Variants in SEC24A observed in about 807,000 individuals in gnomAD.
SEC24A encodes protein transport protein Sec24A.
Under a neutral mutation model 129.4 loss-of-function variants are expected in SEC24A, and 93 were observed. That is an observed-to-expected ratio of 0.72 (90% CI 0.61 to 0.85). The LOEUF is 0.85. Among genes scored for constraint, SEC24A ranks in the 40% least tolerant of loss-of-function variants. The pLI, the probability that SEC24A is intolerant of heterozygous loss-of-function variation, is 0.00. For missense variants in SEC24A, 1,264 were observed against 1,307.4 expected, an observed-to-expected ratio of 0.97 and a Z score of 0.51; for synonymous variants, 460 against 467.3, an observed-to-expected ratio of 0.98 and a Z score of 0.20.
chr5:134,682,288 C>A, intron 8 of SEC24A, 85 bp from the exon 9 acceptor site: 1 of 657,222 alleles, frequency 1.5e-6, no homozygotes, highest in Non-Finnish European at 2.6e-6. Flanking sequence ...TGTTTGTCAT[C>A]TTTTCAAGGA....
At chr5:134,690,093 G>A (rs1392775736) in intron 11 of SEC24A, among the ~76,000 whole-genome samples, 2 of 152,042 alleles carry the variant, frequency 1.3e-5, no homozygotes, top group Non-Finnish European at 2.9e-5. Context: ...ATCTCGGCTC[G>A]CTGCAACCTC....
intron 22 of SEC24A, among the ~76,000 whole-genome samples, chr5:134,724,620 T>C (rs1161202472): frequency 1.3e-5 from 2 of 151,816 alleles, no homozygotes; most frequent in Non-Finnish European, 2.9e-5. Flanking sequence ...TAGAATTCCA[T>C]TGTATATATA....
chr5:134,685,696 A>C (rs977850758), intron 9 of SEC24A, among the ~76,000 whole-genome samples: 2 of 152,204 alleles, frequency 1.3e-5, no homozygotes, highest in Admixed American at 6.5e-5. Context: ...TTTAAAATAC[A>C]GTCTTGGCCA....
At position 134,697,247 on chromosome 5, in the gene SEC24A, G is replaced by A; in HGVS notation, c.2107+1G>A. On this transcript the variant is annotated splice_donor_variant, in intron 14 of 22. Coordinates refer to ENST00000398844, the MANE Select transcript of SEC24A (RefSeq NM_021982.3). LOFTEE classifies it high-confidence loss of function. ...CAGTATTCTGATTTGGCTTCTCTGG[G>A]TAAGTTCTTCGTAATGATTTTTTTT... 2 of 1,588,926 alleles carry A rather than the reference G, an allele frequency of 1.3e-6. No homozygotes were observed. Among genetic ancestry groups the A allele is most frequent in the South Asian group, 1.1e-5 (1 of 87,852 alleles).
chr5:134,686,813 G>GTA lies in SEC24A; in HGVS notation c.1517_1518dup (p.Leu507IlefsTer17). The GTA allele has an allele frequency of 6.2e-7, 1 of 1,605,394 alleles. No homozygotes were observed. On this transcript the variant is annotated frameshift_variant, in exon 10 of 23. Coordinates refer to ENST00000398844, the MANE Select transcript of SEC24A (RefSeq NM_021982.3). LOFTEE classifies it high-confidence loss of function. Reference sequence around the variant, plus strand: ...AGTTACGACCACCTCAGCCTCCAGTGTATCTCTTTGTATTTGATGTGTCTC... The same window carrying GTA: ...AGTTACGACCACCTCAGCCTCCAGTGTATATCTCTTTGTATTTGATGTGTCTC...
rs200157436 is a variant in SEC24A at position 134,692,042 on chromosome 5, T to A, written c.1724-560T>A. 3.3e-4 allele frequency among the ~76,000 whole-genome samples: 50 copies of A among 151,164 alleles called. 3 individuals are homozygous for A. The East Asian group carries it at 7.5e-3, about 23-fold the overall frequency. ...ATTCAGTGAGTACAGATCAATATTT[T>A]ATTTTTTTTCTTTCCTTTTTTTTTT... On this transcript the variant is annotated intron_variant, in intron 11 of 22. Transcript: ENST00000398844.
At chr5:134,692,969 T>C in intron 12 of SEC24A, 1 of 1,342,656 alleles carries the variant, frequency 7.4e-7, no homozygotes, top group Non-Finnish European at 1.0e-6. Context: ...AAGCTTCTGG[T>C]CACTACATAG....
chr5:134,672,934 G>C (rs1006160810), intron 4 of SEC24A, among the ~76,000 whole-genome samples: 1 of 151,242 alleles, frequency 6.6e-6, no homozygotes, highest in African/African-American at 2.4e-5. Context: ...GGGGGGGTGG[G>C]TCTCAATATA....
At position 134,661,468 on chromosome 5, in the gene SEC24A, A is replaced by C; in HGVS notation, c.447A>C (p.Thr149=). Residue 149 remains threonine (T), a synonymous_variant, in exon 2 of 23, where the codon ACA becomes ACC. Coordinates refer to ENST00000398844, the MANE Select transcript of SEC24A (RefSeq NM_021982.3). ...ACTATCCATCCACAGCCTCACAAAC[A>C]AACCATTGTCCTCGTGCATCATCCC... The part of the protein sequence containing the change: ...QYNYPSTASQ[T]NHCPRASSQP... 2.5e-6 allele frequency: 4 copies of C among 1,614,186 alleles called. No individual in the cohort carries two copies. The highest frequency in any genetic ancestry group is 3.4e-6 in the Non-Finnish European group (4 of 1,180,028).
chr5:134,656,185 C>T (rs1350207818), intron 1 of SEC24A, among the ~76,000 whole-genome samples: 3 of 150,390 alleles, frequency 2.0e-5, no homozygotes, highest in Non-Finnish European at 4.4e-5. Flanking sequence ...TGGGTTCAAG[C>T]GATTCTCCTT....
At chr5:134,683,873 G>A (rs1057358870) in intron 9 of SEC24A, among the ~76,000 whole-genome samples, 1 of 152,164 alleles carries the variant, frequency 6.6e-6, no homozygotes, top group Non-Finnish European at 1.5e-5. Flanking sequence ...TAGGTTAAGT[G>A]ACATGCCAAA....
intron 19 of SEC24A, among the ~76,000 whole-genome samples, chr5:134,716,881 CT>C (rs766433633): frequency 2.1e-3 from 283 of 131,656 alleles, no homozygotes; most frequent in Middle Eastern, 8.0e-3. Flanking sequence ...AACTTTTTTA[CT>C]TTTTTTTTTT....
chr5:134,683,045 C>T (rs1421128433), intron 9 of SEC24A, among the ~76,000 whole-genome samples: 4 of 150,474 alleles, frequency 2.7e-5, no homozygotes, highest in East Asian at 3.9e-4. Context: ...TTTTTTGAGA[C>T]GGAGTCTCAC....
chr5:134,707,335 A>T (rs967526130), intron 17 of SEC24A, among the ~76,000 whole-genome samples: 125 of 145,142 alleles, frequency 8.6e-4, no homozygotes, highest in East Asian at 5.6e-3. Flanking sequence ...TTATTTATTT[A>T]TTTTTTTTTT....
At chr5:134,676,977 A>C (rs1254551048) in intron 7 of SEC24A, among the ~76,000 whole-genome samples, 1 of 152,176 alleles carries the variant, frequency 6.6e-6, no homozygotes, top group Non-Finnish European at 1.5e-5. Flanking sequence ...AGAGAAACTA[A>C]ATAAATGAAT....
chr5:134,696,810 T>G (rs1199958562), intron 13 of SEC24A, among the ~76,000 whole-genome samples: 1 of 151,890 alleles, frequency 6.6e-6, no homozygotes, highest in Non-Finnish European at 1.5e-5. Context: ...TTTTTTTTTT[T>G]TTTAAATAAA....
Position 134,720,910 on chromosome 5 carries a change from A to G in SEC24A, c.2971-88A>G. ...GAGTGAGACCCTATCTCACAAATATATATATAAAATAAAAATAAAATGTAC... is the reference window on the plus strand; with the variant it reads ...GAGTGAGACCCTATCTCACAAATATGTATATAAAATAAAAATAAAATGTAC... On this transcript the variant is annotated intron_variant, in intron 20 of 22. Coordinates refer to ENST00000398844, the MANE Select transcript of SEC24A (RefSeq NM_021982.3). 4 of 670,618 alleles carry G rather than the reference A, an allele frequency of 6.0e-6. No homozygotes were observed. The Admixed American group carries it at 8.1e-5, about 14-fold the overall frequency. 41.5% of individuals were successfully genotyped at this position (670,618 alleles called of 1,614,324 possible).
Position 134,721,052 on chromosome 5 carries a change from C to T in SEC24A, c.3025C>T (p.Leu1009=). The change falls in exon 21 of 23, where the codon CTA becomes TTA. Residue 1009 remains leucine, a synonymous_variant. Coordinates refer to ENST00000398844, the MANE Select transcript of SEC24A (RefSeq NM_021982.3). ...NCTQNFLSQV[L]GVQNYASIPQ... is the part of the protein sequence containing the mutation. Reference sequence around the variant, plus strand: ...TACACAGAATTTTCTCAGCCAAGTTCTAGGAGTTCAAAACTATGCATCAAT... The same window carrying T: ...TACACAGAATTTTCTCAGCCAAGTTTTAGGAGTTCAAAACTATGCATCAAT... 6.2e-7 allele frequency: 1 copy of T among 1,612,560 alleles called. No homozygotes were observed. Among genetic ancestry groups the T allele is most frequent in the Non-Finnish European group, 8.5e-7 (1 of 1,178,744 alleles).
intron 8 of SEC24A, among the ~76,000 whole-genome samples, chr5:134,681,077 C>T (rs1016159020): frequency 4.7e-5 from 7 of 150,398 alleles, no homozygotes; most frequent in South Asian, 2.1e-4. Flanking sequence ...CCAGCCTGGG[C>T]GACAGAGCGA....
Sources: allele counts gnomAD v4.1 joint callset (sites outside exome capture counted in the v4.1 genomes callset), GRCh38; gene constraint gnomAD v4.1.1; transcripts MANE v1.5; gene names NCBI Gene and HGNC (gene_info 2026-07-23, HGNC 2026-07-21).